Variants in HPSE2 observed in about 807,000 individuals in gnomAD.
The protein encoded by HPSE2 is heparanase 2 (inactive), also known as inactive heparanase-2.
HPSE2 carries 38 observed loss-of-function variants against 60.5 expected under a neutral mutation model. The observed-to-expected ratio is 0.63, with a 90% confidence interval of 0.48 to 0.82. The LOEUF (loss-of-function observed/expected upper bound fraction) is 0.82. Among genes scored for constraint, HPSE2 ranks in the 40% least tolerant of loss-of-function variants. The pLI, the probability that HPSE2 is intolerant of heterozygous loss-of-function variation, is 0.00. For missense variants in HPSE2, 713 were observed against 740.4 expected, an observed-to-expected ratio of 0.96 and a Z score of 0.43; for synonymous variants, 295 against 293.2, an observed-to-expected ratio of 1.01 and a Z score of -0.06.
At chr10:99,177,479 CTCATA>C (rs1314755059) in intron 2 of HPSE2, among the ~76,000 whole-genome samples, 1 of 152,032 alleles carries the variant, frequency 6.6e-6, no homozygotes, top group African/African-American at 2.4e-5. Context: ...ATCCTAGTAT[CTCATA>C]TAACAGACTT....
At chr10:98,759,256 T>C (rs1949951405) in intron 3 of HPSE2, among the ~76,000 whole-genome samples, 1 of 152,084 alleles carries the variant, frequency 6.6e-6, no homozygotes. Context: ...ACCTGAGTGA[T>C]GAAATAATTT....
intron 3 of HPSE2, among the ~76,000 whole-genome samples, chr10:99,045,252 T>G (rs1341547636): frequency 1.3e-5 from 2 of 152,140 alleles, no homozygotes; most frequent in Non-Finnish European, 2.9e-5. Context: ...TGCTCCCAAA[T>G]AATTCCTGTG....
At chr10:98,987,039 T>G (rs1007734087) in intron 3 of HPSE2, among the ~76,000 whole-genome samples, 2 of 151,974 alleles carry the variant, frequency 1.3e-5, no homozygotes, top group African/African-American at 2.4e-5. Flanking sequence ...ACCAGATGGA[T>G]TCACAGCCGA....
intron 3 of HPSE2, among the ~76,000 whole-genome samples, chr10:98,984,251 C>A (rs11812722): frequency 0.15 from 23,196 of 152,172 alleles, 2,661 homozygotes; most frequent in African/African-American, 0.31. Flanking sequence ...CCAGTAGGGG[C>A]AGACTGACAC....
chr10:98,588,385 T>C (rs937409546), intron 9 of HPSE2, among the ~76,000 whole-genome samples: 1 of 152,082 alleles, frequency 6.6e-6, no homozygotes, highest in Admixed American at 6.6e-5. Flanking sequence ...AGTGTTTGAC[T>C]TTTCATATGG....
At chr10:98,945,106 C>T (rs1292151360) in intron 3 of HPSE2, among the ~76,000 whole-genome samples, 2 of 152,100 alleles carry the variant, frequency 1.3e-5, no homozygotes, top group South Asian at 2.1e-4. Flanking sequence ...AATTGCTTTG[C>T]TGAAATCAAT....
intron 4 of HPSE2, among the ~76,000 whole-genome samples, chr10:98,730,757 A>G (rs140656437): frequency 0.011 from 1,608 of 152,272 alleles, 15 homozygotes; most frequent in Admixed American, 0.023. Flanking sequence ...AACTGACTAA[A>G]TAAGACACAG....
At chr10:99,034,416 G>A (rs1044926323) in intron 3 of HPSE2, among the ~76,000 whole-genome samples, 5 of 152,024 alleles carry the variant, frequency 3.3e-5, no homozygotes, top group Admixed American at 6.6e-5. Context: ...GTTCTATAGC[G>A]GGGGTGGATA....
rs1316988175 is a variant in HPSE2 at position 99,047,788 on chromosome 10, C to A, written c.610+96450G>T. 6.0e-6 allele frequency: 5 copies of A among 832,964 alleles called. No homozygotes were observed. In the African/African-American group the frequency reaches 8.3e-5, roughly 14 times the overall value. The allele number at this position is 832,964 out of a possible 1,614,324, so 51.6% of individuals were successfully genotyped here. ...TTCAAAAGGCAAGAAGGAAGCTTAT[C>A]TACAAAAAAGCAAAGCACTATCACA... On this transcript the variant is annotated intron_variant, in intron 3 of 11. Transcript: ENST00000370552.
intron 11 of HPSE2, among the ~76,000 whole-genome samples, chr10:98,462,581 C>G (rs531248665): frequency 6.6e-6 from 1 of 152,352 alleles, no homozygotes; most frequent in African/African-American, 2.4e-5. Context: ...TCTCCATTCT[C>G]AAAACCCTCT....
chr10:98,712,547 T>G (rs1948700304), intron 5 of HPSE2, among the ~76,000 whole-genome samples: 1 of 152,094 alleles, frequency 6.6e-6, no homozygotes, highest in Non-Finnish European at 1.5e-5. Context: ...GAAGTGTTGT[T>G]GATTAGACAC....
chr10:98,704,224 G>T (rs561509307), intron 5 of HPSE2, among the ~76,000 whole-genome samples: 1 of 152,256 alleles, frequency 6.6e-6, no homozygotes, highest in Admixed American at 6.5e-5. Flanking sequence ...GACTCTTCAA[G>T]GAGAACTACA....
At chr10:98,827,501 C>T (rs1281627885) in intron 3 of HPSE2, among the ~76,000 whole-genome samples, 1 of 152,046 alleles carries the variant, frequency 6.6e-6, no homozygotes, top group Non-Finnish European at 1.5e-5. Flanking sequence ...CCACTGCGCC[C>T]GGCCCTACAC....
At chr10:99,242,898 T>C in the HPSE2 span, among the ~76,000 whole-genome samples, 1 of 152,222 alleles carries the variant, frequency 6.6e-6, no homozygotes, top group African/African-American at 2.4e-5. Flanking sequence ...CTTCTCCTGG[T>C]TGGGTTTCAC....
intron 2 of HPSE2, among the ~76,000 whole-genome samples, chr10:99,170,239 C>T (rs1847256961): frequency 6.6e-6 from 1 of 152,192 alleles, no homozygotes; most frequent in African/African-American, 2.4e-5. Flanking sequence ...CACTGTATCA[C>T]CCAGCAGAAC....
At chr10:98,770,169 G>A (rs1274736204) in intron 3 of HPSE2, among the ~76,000 whole-genome samples, 1 of 152,054 alleles carries the variant, frequency 6.6e-6, no homozygotes, top group Non-Finnish European at 1.5e-5. Flanking sequence ...GTCAGCTGTT[G>A]GAAACTTGGT....
intron 3 of HPSE2, among the ~76,000 whole-genome samples, chr10:98,982,198 G>A (rs562250651): frequency 1.3e-5 from 2 of 152,242 alleles, no homozygotes; most frequent in Non-Finnish European, 2.9e-5. Flanking sequence ...GATCTGAACA[G>A]TGTCATCGAA....
chr10:98,895,089 A>G (rs1302976614), intron 3 of HPSE2, among the ~76,000 whole-genome samples: 1 of 152,182 alleles, frequency 6.6e-6, no homozygotes, highest in Non-Finnish European at 1.5e-5. Flanking sequence ...AAAAAAATTT[A>G]GGAGTGTTTA....
At chr10:98,750,675 T>G (rs919580754) in intron 3 of HPSE2, among the ~76,000 whole-genome samples, 1 of 152,076 alleles carries the variant, frequency 6.6e-6, no homozygotes. Flanking sequence ...GTCAAGAAAC[T>G]CTGAAGTTTT....
Sources: gnomAD v4.1 joint callset for allele counts (sites outside exome capture counted in the v4.1 genomes callset) on GRCh38, gnomAD v4.1.1 for gene constraint, MANE v1.5 for transcripts, NCBI Gene and HGNC (gene_info 2026-07-23, HGNC 2026-07-21) for gene names.